The following MYH9 variants were observed in gnomAD, a reference collection of about 807,000 sequenced individuals.
MYH9 encodes the protein myosin heavy chain 9, also known as myosin-9.
Under a neutral mutation model 241.9 loss-of-function variants are expected in MYH9, and 29 were observed. That is an observed-to-expected ratio of 0.12 (90% CI 0.09 to 0.16). The LOEUF (loss-of-function observed/expected upper bound fraction) is 0.16. MYH9 is among the 10% of genes least tolerant of loss of function. MYH9 has a pLI of 1.00. For missense variants in MYH9, 1,803 were observed against 2,595.5 expected, an observed-to-expected ratio of 0.69 and a Z score of 6.63; for synonymous variants, 1,047 against 1,062.6, an observed-to-expected ratio of 0.99 and a Z score of 0.29.
At chr22:36,319,257 C>T (rs750568874) in intron 10 of MYH9, among the ~76,000 whole-genome samples, 5 of 152,074 alleles carry the variant, frequency 3.3e-5, no homozygotes, top group African/African-American at 9.7e-5. Flanking sequence ...GGAGGAGCTA[C>T]GGCAGAAATC....
intron 1 of MYH9, among the ~76,000 whole-genome samples, chr22:36,356,400 G>A (rs182249172): frequency 3.2e-4 from 48 of 151,980 alleles, no homozygotes; most frequent in Admixed American, 1.1e-3. Flanking sequence ...GGCCAAAACC[G>A]TGAAACCCTG....
chr22:36,320,446 G>A lies in MYH9; in HGVS notation c.869-83C>T. The stretch of plus-strand genomic sequence containing the variant: ...CAGCGCTGTGACCTCAAAGGTTGGA[G>A]AGACTGGGACAGACCCTGAGCCCTG... On this transcript the variant is annotated intron_variant, in intron 8 of 40. Coordinates refer to ENST00000216181, the MANE Select transcript of MYH9 (RefSeq NM_002473.6). This position sits in a 1 kb window ranked among gnomAD's most constrained non-coding sequence, Gnocchi z 4.8. 3.8e-6 allele frequency: 6 copies of A among 1,569,712 alleles called. No homozygotes were observed. The highest frequency in any genetic ancestry group is 5.2e-6 in the Non-Finnish European group (6 of 1,152,204).
At chr22:36,347,142 T>C (rs1011541891) in intron 2 of MYH9, among the ~76,000 whole-genome samples, 6 of 152,174 alleles carry the variant, frequency 3.9e-5, no homozygotes, top group Admixed American at 6.5e-5. Flanking sequence ...CCAGAGCCCG[T>C]TGCCTCTGGG....
intron 10 of MYH9, 24 bp from the exon 11 acceptor site, chr22:36,318,349 G>A: frequency 6.3e-7 from 1 of 1,577,250 alleles, no homozygotes; most frequent in Non-Finnish European, 8.7e-7. Context: ...GAGAATAAGA[G>A]AGGGACAAAA....
intron 40 of MYH9, 110 bp downstream of exon 40, chr22:36,283,983 C>T: frequency 3.8e-6 from 5 of 1,328,838 alleles, no homozygotes; most frequent in Non-Finnish European, 5.4e-6. Flanking sequence ...TTGCTTTGTG[C>T]AGTCCTTTCT....
chr22:36,301,757 A>G (rs1191204121), intron 20 of MYH9, 92 bp from the exon 21 acceptor site: 13 of 1,548,480 alleles, frequency 8.4e-6, no homozygotes, highest in Admixed American at 3.4e-5. Context: ...CTCTGGAAAC[A>G]TGAAAGTGAG....
chr22:36,375,252 G>C lies in MYH9; in HGVS notation c.-20+12555C>G, dbSNP rs578065412. On this transcript the variant is annotated intron_variant, in intron 1 of 40. Transcript: ENST00000216181. ...ATGATGGCAGGTTGCCTGGCTAGCT[G>C]GTTCCCCAGAGGGCACTACTCAGAC... Among the ~76,000 whole-genome samples, 23 of 152,288 alleles carry C rather than the reference G, an allele frequency of 1.5e-4. No individual in the cohort carries two copies. The South Asian group carries it at 4.4e-3, about 29-fold the overall frequency.
At chr22:36,328,453 A>G (rs2017369505) in intron 3 of MYH9, among the ~76,000 whole-genome samples, 1 of 152,228 alleles carries the variant, frequency 6.6e-6, no homozygotes, top group South Asian at 2.1e-4. Context: ...CCGTCCTTGA[A>G]GTCAAATTGG....
At chr22:36,303,775 A>T (rs1262680679) in intron 19 of MYH9, among the ~76,000 whole-genome samples, 1 of 139,594 alleles carries the variant, frequency 7.2e-6, no homozygotes, top group Non-Finnish European at 1.5e-5. Context: ...ACAGAGTGAG[A>T]CTCCGTCTCA....
At position 36,293,494 on chromosome 22, in the gene MYH9, TGA is replaced by T. The variant is rs958412197; in HGVS notation, c.3943-15_3943-14del. 6.2e-7 allele frequency: 1 copy of T among 1,612,088 alleles called. No homozygotes were observed. Among genetic ancestry groups the T allele is most frequent in the African/African-American group, 1.3e-5 (1 of 74,830 alleles). ...CCTGCAGCAGCTCCTACTCGCGGGTTGAGAGGGGTGCGGGTGCTTAGGAGGGT... is the reference window on the plus strand; with the variant it reads ...CCTGCAGCAGCTCCTACTCGCGGGTTGAGGGGTGCGGGTGCTTAGGAGGGT... On this transcript the variant is annotated splice_polypyrimidine_tract_variant and intron_variant, in intron 29 of 40. Transcript: ENST00000216181. This position sits in a 1 kb window ranked among gnomAD's most constrained non-coding sequence, Gnocchi z 5.1.
Position 36,300,067 on chromosome 22 carries a change from C to T in MYH9, c.2976+60G>A. 2 of 1,599,218 alleles carry T rather than the reference C, an allele frequency of 1.3e-6. No homozygotes were observed. The highest frequency in any genetic ancestry group is 2.2e-5 in the South Asian group (2 of 91,010). On this transcript the variant is annotated intron_variant, in intron 23 of 40. Transcript: ENST00000216181. The surrounding 1 kb of genome is among the most constrained non-coding windows in gnomAD (Gnocchi z 5.0). ...GGGGAGCCAGGCCCTGCAAGGGTGACCACACTCTCCCATCCACGGCGCCCC... is the reference window on the plus strand; with the variant it reads ...GGGGAGCCAGGCCCTGCAAGGGTGATCACACTCTCCCATCCACGGCGCCCC...
intron 39 of MYH9, 21 bp from the exon 40 acceptor site, chr22:36,284,286 C>T (rs1444574109): frequency 6.2e-7 from 1 of 1,606,188 alleles, no homozygotes; most frequent in South Asian, 1.1e-5. Flanking sequence ...GGACGTGTGG[C>T]CCGTGGCCCC....
intron 1 of MYH9, among the ~76,000 whole-genome samples, chr22:36,361,205 A>G (rs2017931147): frequency 6.6e-6 from 1 of 152,214 alleles, no homozygotes; most frequent in South Asian, 2.1e-4. Flanking sequence ...GTTTGCTTAC[A>G]GAAGAAGCTG....
In MYH9 at chr22:36,320,471, G is replaced by A. The variant is rs1230753457; in HGVS notation, c.869-108C>T. 2.1e-6 allele frequency: 3 copies of A among 1,444,138 alleles called. No homozygotes were observed. The highest frequency in any genetic ancestry group is 2.9e-6 in the Non-Finnish European group (3 of 1,042,350). The allele number at this position is 1,444,138 out of a possible 1,614,324, so 89.5% of individuals were successfully genotyped here. On this transcript the variant is annotated intron_variant, in intron 8 of 40. Coordinates refer to ENST00000216181, the MANE Select transcript of MYH9 (RefSeq NM_002473.6). The surrounding 1 kb of genome is among the most constrained non-coding windows in gnomAD (Gnocchi z 4.8). ...GAGACTGGGACAGACCCTGAGCCCT[G>A]ACGCACCCTGGAAACCGCAGAGTAG...
At chr22:36,286,030 T>TCC in intron 35 of MYH9, 77 bp from the exon 36 acceptor site, 1 of 1,529,814 alleles carries the variant, frequency 6.5e-7, no homozygotes, top group Non-Finnish European at 8.9e-7. Context: ...CCAGGCACCC[T>TCC]CCCCTCAAGC....
intron 14 of MYH9, 138 bp downstream of exon 14, chr22:36,311,911 G>T: frequency 1.0e-6 from 1 of 960,488 alleles, no homozygotes; most frequent in Non-Finnish European, 1.6e-6. Flanking sequence ...CACATTACTG[G>T]GTGAGTCATT....
At chr22:36,342,882 C>T (rs944191933) in intron 2 of MYH9, among the ~76,000 whole-genome samples, 4 of 152,218 alleles carry the variant, frequency 2.6e-5, no homozygotes, top group Admixed American at 1.3e-4. Context: ...GGAGCAGACT[C>T]GGGTCTCCAA....
chr22:36,349,299 C>T, intron 1 of MYH9, 44 bp from the exon 2 acceptor site: 1 of 1,444,160 alleles, frequency 6.9e-7, no homozygotes, highest in Non-Finnish European at 9.7e-7. Flanking sequence ...ACAACTACGT[C>T]AGCCACACAA....
At chr22:36,299,986 G>A (rs2016848877) in intron 23 of MYH9, 141 bp downstream of exon 23, 1 of 1,207,896 alleles carries the variant, frequency 8.3e-7, no homozygotes, top group African/African-American at 1.5e-5. Context: ...GGGAGCACTT[G>A]CAGTTAAGCA....
Sources: gnomAD v4.1 joint callset for allele counts (sites outside exome capture counted in the v4.1 genomes callset) on GRCh38, gnomAD v4.1.1 for gene constraint, Gnocchi (gnomAD v3.1) non-coding constraint, MANE v1.5 for transcripts, NCBI Gene and HGNC (gene_info 2026-07-23, HGNC 2026-07-21) for gene names.